PCDH15: variants seen among roughly 807,000 people sequenced by gnomAD.
PCDH15 encodes the protein protocadherin-15.
A neutral mutation model predicts 178.5 loss-of-function variants in PCDH15; 129 were observed. The observed-to-expected ratio is 0.72, with a 90% confidence interval of 0.63 to 0.84. PCDH15 has a LOEUF of 0.84. Among genes scored for constraint, PCDH15 ranks in the 40% least tolerant of loss-of-function variants. PCDH15 has a pLI of 0.00. For missense variants in PCDH15, 2,230 were observed against 2,099.9 expected (o/e 1.06, Z -1.21); for synonymous variants, 800 against 732.0 (o/e 1.09, Z -1.50).
chr10:54,651,541 T>C (rs750611798), intron 2 of PCDH15, among the ~76,000 whole-genome samples: 4 of 152,126 alleles, frequency 2.6e-5, no homozygotes, highest in African/African-American at 4.8e-5. Context: ...TTTAAATCCA[T>C]GGGGGAATGT....
chr10:55,366,616 G>A (rs544966453), intron 2 of PCDH15, among the ~76,000 whole-genome samples: 3 of 152,130 alleles, frequency 2.0e-5, no homozygotes, highest in African/African-American at 4.8e-5. Context: ...AAAATACTTC[G>A]ACAGAAGTTA....
chr10:54,268,431 C>A (rs568977492), intron 8 of PCDH15, among the ~76,000 whole-genome samples: 62 of 151,820 alleles, frequency 4.1e-4, no homozygotes, highest in African/African-American at 1.3e-3. Context: ...CAAGTGAGAC[C>A]AAATTAAACT....
rs536192228 is a variant in PCDH15, at chr10:54,423,474, G to A, written c.158-44532C>T. ...ATATTTTGAAAAGAGATAGAAAGAA[G>A]AGTTGGATTGGAGTGGGTGGGTAGG... On this transcript the variant is annotated intron_variant, in intron 3 of 37. Coordinates refer to ENST00000644397, the MANE Select transcript of PCDH15 (RefSeq NM_001384140.1). Among the ~76,000 whole-genome samples the A allele has an allele frequency of 2.1e-3, 323 of 151,992 alleles. 9 individuals are homozygous for A. The highest frequency in any genetic ancestry group is 6.8e-3 in the Middle Eastern group (2 of 294).
intron 2 of PCDH15, among the ~76,000 whole-genome samples, chr10:55,444,307 G>T (rs1839267444): frequency 6.7e-6 from 1 of 150,330 alleles, no homozygotes; most frequent in South Asian, 2.1e-4. Flanking sequence ...GAAAACAAGA[G>T]TGCTAGTTTT....
intron 9 of PCDH15, among the ~76,000 whole-genome samples, chr10:54,217,862 G>T (rs914993831): frequency 6.6e-6 from 1 of 152,146 alleles, no homozygotes. Flanking sequence ...TAGCAAGAAA[G>T]AATTCCGAGA....
intron 2 of PCDH15, among the ~76,000 whole-genome samples, chr10:54,544,267 T>C (rs2085592071): frequency 6.6e-6 from 1 of 152,216 alleles, no homozygotes; most frequent in African/African-American, 2.4e-5. Context: ...ACAGTTTTTA[T>C]ATTGGCCATA....
intron 2 of PCDH15, among the ~76,000 whole-genome samples, chr10:54,621,290 ATTAATAAAATACATCCT>A (rs2093341969): frequency 6.6e-6 from 1 of 152,032 alleles, no homozygotes; most frequent in Admixed American, 6.6e-5. Flanking sequence ...AATTACTATT[ATTAATAAAATACATCCT>A]CTAGTGCATA....
chr10:55,412,601 C>T (rs1361562354), intron 2 of PCDH15, among the ~76,000 whole-genome samples: 1 of 151,496 alleles, frequency 6.6e-6, no homozygotes, highest in East Asian at 1.9e-4. Context: ...TAAAGAATGG[C>T]TAAAGTATAA....
intron 15 of PCDH15, among the ~76,000 whole-genome samples, chr10:54,101,254 T>C (rs549871080): frequency 5.3e-5 from 8 of 152,312 alleles, no homozygotes; most frequent in Admixed American, 4.6e-4. Flanking sequence ...CCCAGCTACA[T>C]GAACTGTAAG....
intron 2 of PCDH15, among the ~76,000 whole-genome samples, chr10:55,398,870 A>G (rs1837992515): frequency 6.6e-6 from 1 of 152,146 alleles, no homozygotes; most frequent in South Asian, 2.1e-4. Flanking sequence ...ATAATAGATA[A>G]ACTAATCAGA....
In PCDH15 at chr10:54,496,887, G is replaced by A. The variant is rs535414695; in HGVS notation, c.157+30925C>T. On this transcript the variant is annotated intron_variant, in intron 3 of 37. Coordinates refer to ENST00000644397, the MANE Select transcript of PCDH15 (RefSeq NM_001384140.1). ...CCTTGTTGTATCCATAACTTTACCCGTTCTGTATTATTGTACATAGAGAGG... is the reference window on the plus strand; with the variant it reads ...CCTTGTTGTATCCATAACTTTACCCATTCTGTATTATTGTACATAGAGAGG... Among the ~76,000 whole-genome samples, 12 of 152,060 alleles carry A rather than the reference G, an allele frequency of 7.9e-5. No homozygotes were observed. In the South Asian group the frequency reaches 2.3e-3, roughly 29 times the overall value.
At chr10:54,442,485 C>G (rs1434235675) in intron 3 of PCDH15, among the ~76,000 whole-genome samples, 2 of 73,692 alleles carry the variant, frequency 2.7e-5, no homozygotes, top group Non-Finnish European at 2.6e-5. Context: ...ATAATAAATA[C>G]TATTTTGTTT....
intron 1 of PCDH15, among the ~76,000 whole-genome samples, chr10:54,747,007 C>T (rs1945552682): frequency 6.6e-6 from 1 of 152,184 alleles, no homozygotes; most frequent in South Asian, 2.1e-4. Flanking sequence ...TGTAACACCA[C>T]TGTAGGTCAA....
At position 55,045,331 on chromosome 10, in the gene PCDH15, C is replaced by A. The variant is rs190203616; in HGVS notation, c.-80+121245G>T. ...TTATCCAATAAACAGTTTCTTAGGT[C>A]TGTGTCAGATGTTGTGGAAAAATTT... On this transcript the variant is annotated intron_variant, in intron 2 of 5. Transcript: ENST00000458638. Among the ~76,000 whole-genome samples, 216 of 151,992 alleles carry A rather than the reference C, an allele frequency of 1.4e-3. 1 individual carries two copies. Among genetic ancestry groups the A allele is most frequent in the African/African-American group, 5.0e-3 (208 of 41,494 alleles).
intron 2 of PCDH15, among the ~76,000 whole-genome samples, chr10:55,568,156 CAA>C (rs1018064325): frequency 1.1e-4 from 16 of 151,840 alleles, no homozygotes; most frequent in African/African-American, 3.1e-4. Flanking sequence ...AGAAGCAACT[CAA>C]GAGTCTATCA....
At chr10:54,176,963 A>G (rs2047502031) in intron 13 of PCDH15, among the ~76,000 whole-genome samples, 2 of 152,006 alleles carry the variant, frequency 1.3e-5, no homozygotes, top group Non-Finnish European at 1.5e-5. Context: ...ATGTAAAAAA[A>G]AAAACTTAGC....
chr10:55,202,249 T>C (rs527958974), intron 1 of PCDH15, among the ~76,000 whole-genome samples: 5 of 152,128 alleles, frequency 3.3e-5, no homozygotes, highest in South Asian at 4.2e-4. Flanking sequence ...ACCTCCAAGA[T>C]GGCGAGTCAA....
chr10:54,984,509 T>C (rs1839317469), intron 2 of PCDH15, among the ~76,000 whole-genome samples: 1 of 152,178 alleles, frequency 6.6e-6, no homozygotes. Flanking sequence ...ATTTTCTACA[T>C]GGCTGTCCAT....
intron 3 of PCDH15, among the ~76,000 whole-genome samples, chr10:54,419,132 A>T (rs1419057329): frequency 1.4e-5 from 2 of 139,436 alleles, no homozygotes; most frequent in African/African-American, 5.9e-5. Flanking sequence ...TACACTTATA[A>T]TATATTGTTA....
Sources: gnomAD v4.1 joint callset for allele counts (sites outside exome capture counted in the v4.1 genomes callset) on GRCh38, gnomAD v4.1.1 for gene constraint, MANE v1.5 for transcripts, NCBI Gene and HGNC (gene_info 2026-07-23, HGNC 2026-07-21) for gene names.